The following PSMC5 variants were observed in gnomAD, a reference collection of about 807,000 sequenced individuals.
PSMC5 encodes the protein 26S proteasome regulatory subunit 8.
Under a neutral mutation model 49.1 loss-of-function variants are expected in PSMC5, and 11 were observed. That is an observed-to-expected ratio of 0.22 (90% CI 0.14 to 0.37). PSMC5 has a LOEUF of 0.37. PSMC5 is among the 10% of genes least tolerant of loss of function. The pLI, the probability that PSMC5 is intolerant of heterozygous loss-of-function variation, is 1.00. For synonymous variants in PSMC5, 206 were observed against 192.2 expected (o/e 1.07, Z -0.59); for missense variants, 229 against 520.9 (o/e 0.44, Z 5.45).
Position 63,831,532 on chromosome 17 carries a change from T to C in PSMC5, c.996T>C (p.His332=), listed in dbSNP as rs2040187116. The change falls in exon 10 of 12, where the codon CAT becomes CAC. Residue 332 remains histidine (H), a synonymous_variant. Transcript: ENST00000310144. This position sits in a 1 kb window ranked among gnomAD's most constrained non-coding sequence, Gnocchi z 6.3. ...CCCGGCTGGACATTTTGAAGATTCATTCTCGGAAGATGAACCTGACCCGGG... is the reference window on the plus strand; with the variant it reads ...CCCGGCTGGACATTTTGAAGATTCACTCTCGGAAGATGAACCTGACCCGGG... ...EEARLDILKI[H]SRKMNLTRGI... 1.2e-6 allele frequency: 2 copies of C among 1,613,984 alleles called. No individual in the cohort carries two copies. Among genetic ancestry groups the C allele is most frequent in the South Asian group, 2.2e-5 (2 of 91,078 alleles).
At position 63,831,024 on chromosome 17, in the gene PSMC5, G is replaced by A. The variant is rs770857146; in HGVS notation, c.680-12G>A. ...TAATAAGCTCCCTAACACCAGCTCG[G>A]CCTCCACACAGGGGCAAGAATGGTG... On this transcript the variant is annotated splice_polypyrimidine_tract_variant and intron_variant, in intron 7 of 11. Coordinates refer to ENST00000310144, the MANE Select transcript of PSMC5 (RefSeq NM_002805.6). The surrounding 1 kb of genome is among the most constrained non-coding windows in gnomAD (Gnocchi z 6.3). 33 of 1,588,442 alleles carry A rather than the reference G, an allele frequency of 2.1e-5. No homozygotes were observed. The Admixed American group carries it at 5.6e-4, about 27-fold the overall frequency.
chr17:63,830,259 C>G lies in PSMC5; in HGVS notation c.322-12C>G. On this transcript the variant is annotated splice_polypyrimidine_tract_variant and intron_variant, in intron 5 of 11. Coordinates refer to ENST00000310144, the MANE Select transcript of PSMC5 (RefSeq NM_002805.6). This position sits in a 1 kb window ranked among gnomAD's most constrained non-coding sequence, Gnocchi z 4.0. Reference sequence around the variant, plus strand: ...TACTGTACCACTTCTGAAACTCGCCCCCTTCACCCAGGTGACACCCAATTG... The same window carrying G: ...TACTGTACCACTTCTGAAACTCGCCGCCTTCACCCAGGTGACACCCAATTG... The G allele has an allele frequency of 6.2e-7, 1 of 1,613,978 alleles. No individual in the cohort carries two copies. Among genetic ancestry groups the G allele is most frequent in the African/African-American group, 1.3e-5 (1 of 74,948 alleles).
Position 63,831,651 on chromosome 17 carries a change from C to T in PSMC5, c.1080+35C>T. 6.2e-7 allele frequency: 1 copy of T among 1,612,854 alleles called. No homozygotes were observed. Among genetic ancestry groups the T allele is most frequent in the Non-Finnish European group, 8.5e-7 (1 of 1,178,844 alleles). ...GTACCCACTGAAAACAGGGCAGAGG[C>T]AGGAAGCTCTGGGCTCAAGGGCCAC... On this transcript the variant is annotated intron_variant, in intron 10 of 11. Transcript: ENST00000310144. The surrounding 1 kb of genome is among the most constrained non-coding windows in gnomAD (Gnocchi z 6.3).
chr17:63,829,680 A>AG (rs1270238679), intron 3 of PSMC5, 117 bp downstream of exon 3: 2 of 1,223,728 alleles, frequency 1.6e-6, no homozygotes, highest in East Asian at 5.1e-5. Flanking sequence ...ATCATCTAGT[A>AG]GTTTCACATG....
At chr17:63,827,785 G>A (rs532647445) in intron 1 of PSMC5, 2 of 1,430,956 alleles carry the variant, frequency 1.4e-6, no homozygotes, top group Middle Eastern at 2.6e-4. Context: ...CGCAGGAGAC[G>A]GGACGCCAGT....
At chr17:63,828,024 CTT>C (rs1200797142) in intron 1 of PSMC5, 112 bp from the exon 2 acceptor site, 1 of 1,390,234 alleles carries the variant, frequency 7.2e-7, no homozygotes. Context: ...GAAGTCCAAA[CTT>C]TTTCTACTAC....
Position 63,830,695 on chromosome 17 carries a change from C to CATTTTT in PSMC5, c.553-114_553-113insATTTTT. The stretch of plus-strand genomic sequence containing the variant: ...TTGGATAGAAGGGACCTTGATGTTC[C>CATTTTT]TTTTTTTTTTTTGTATCCCTAACAT... On this transcript the variant is annotated intron_variant, in intron 6 of 11. Coordinates refer to ENST00000310144, the MANE Select transcript of PSMC5 (RefSeq NM_002805.6). This position sits in a 1 kb window ranked among gnomAD's most constrained non-coding sequence, Gnocchi z 4.0. The CATTTTT allele has an allele frequency of 8.0e-7, 1 of 1,243,512 alleles. No individual in the cohort carries two copies. Among genetic ancestry groups the CATTTTT allele is most frequent in the Admixed American group, 2.8e-5 (1 of 36,062 alleles). The allele number at this position is 1,243,512 out of a possible 1,614,324, so 77.0% of individuals were successfully genotyped here.
Position 63,827,511 on chromosome 17 carries a change from G to GC in PSMC5, c.22dup (p.Gln8ProfsTer22). On this transcript the variant is annotated frameshift_variant, in exon 1 of 12. Transcript: ENST00000310144. LOFTEE classifies it high-confidence loss of function. ...AGAAGATGGCGCTTGACGGACCAGA[G>GC]CAGGTATGGCGGGTGCAGTGGCGGC... The GC allele has an allele frequency of 6.4e-7, 1 of 1,551,778 alleles. No individual in the cohort carries two copies.
rs1369929828 is a variant in PSMC5, at chr17:63,831,267, T to C, written c.870+41T>C. The C allele has an allele frequency of 1.9e-6, 3 of 1,607,568 alleles. No individual in the cohort carries two copies. Among genetic ancestry groups the C allele is most frequent in the East Asian group, 2.2e-5 (1 of 44,642 alleles). On this transcript the variant is annotated intron_variant, in intron 8 of 11. Transcript: ENST00000310144. The surrounding 1 kb of genome is among the most constrained non-coding windows in gnomAD (Gnocchi z 6.3). ...CCTTGGGATGGGCCCAGGGAAGGCC[T>C]GGGTGCCACGCAGGCTGAGGAAGAG...
In PSMC5 at chr17:63,831,705, A is replaced by C; in HGVS notation, c.1081-19A>C. On this transcript the variant is annotated intron_variant, in intron 10 of 11. Transcript: ENST00000310144. This position sits in a 1 kb window ranked among gnomAD's most constrained non-coding sequence, Gnocchi z 6.3. ...TGAGGGGCACAGCAGTGGGGCCTCA[A>C]TTTCCTTTTCCTGTTCAGGGCGTGT... is the stretch of plus-strand genomic sequence containing the variant. 6.2e-7 allele frequency: 1 copy of C among 1,614,076 alleles called. No individual in the cohort carries two copies. The highest frequency in any genetic ancestry group is 1.1e-5 in the South Asian group (1 of 91,084).
intron 2 of PSMC5, chr17:63,828,776 C>G (rs370432775): frequency 6.4e-6 from 1 of 155,476 alleles, no homozygotes; most frequent in Non-Finnish European, 1.4e-5. Flanking sequence ...CAGTAGTAAG[C>G]CTTACAGACA....
rs752660586 is a variant in PSMC5, at chr17:63,831,881, C to T, written c.1168-35C>T. ...CAGTGGGCTAGGGCATGTGTGTGTT[C>T]GTAACTTAATGTTCATTCTCTCTCC... On this transcript the variant is annotated intron_variant, in intron 11 of 11. Coordinates refer to ENST00000310144, the MANE Select transcript of PSMC5 (RefSeq NM_002805.6). The surrounding 1 kb of genome is among the most constrained non-coding windows in gnomAD (Gnocchi z 6.3). 1.1e-5 allele frequency: 17 copies of T among 1,612,560 alleles called. No homozygotes were observed. Among genetic ancestry groups the T allele is most frequent in the Admixed American group, 1.7e-5 (1 of 59,996 alleles).
rs7208719 is a variant in PSMC5, at chr17:63,829,631, C to T, written c.166+68C>T. On this transcript the variant is annotated intron_variant, in intron 3 of 11. Coordinates refer to ENST00000310144, the MANE Select transcript of PSMC5 (RefSeq NM_002805.6). ...TGAGGTCTGTCCTTATCTCCCTGCA[C>T]TGTGTCTTCACAGCAGTGCTTACTG... The T allele has an allele frequency of 3.5e-3, 5,151 of 1,463,138 alleles. 132 individuals carry two copies. The African/African-American group carries it at 0.057, about 16-fold the overall frequency. 90.6% of individuals were successfully genotyped at this position (1,463,138 alleles called of 1,614,324 possible).
chr17:63,827,812 G>A (rs950227269), intron 1 of PSMC5: 6 of 1,427,114 alleles, frequency 4.2e-6, no homozygotes, highest in Non-Finnish European at 5.5e-6. Context: ...GCTCCGTTCC[G>A]CTGGCTCCTT....
chr17:63,828,024 C>CT (rs1200797142), intron 1 of PSMC5, 114 bp from the exon 2 acceptor site: 2 of 1,390,110 alleles, frequency 1.4e-6, no homozygotes, highest in African/African-American at 2.9e-5. Flanking sequence ...GAAGTCCAAA[C>CT]TTTTTCTACT....
chr17:63,829,296 G>A, intron 2 of PSMC5, 198 bp from the exon 3 acceptor site: 1 of 560,338 alleles, frequency 1.8e-6, no homozygotes. Context: ...AGCCTTCTTT[G>A]ATGGCTGCTG....
intron 2 of PSMC5, 181 bp from the exon 3 acceptor site, chr17:63,829,313 C>T (rs1227754625): frequency 3.2e-6 from 2 of 615,592 alleles, no homozygotes; most frequent in African/African-American, 3.7e-5. Flanking sequence ...GCTGTAAGGT[C>T]CAGAGGGACT....
chr17:63,827,752 G>C, intron 1 of PSMC5: 1 of 1,432,546 alleles, frequency 7.0e-7, no homozygotes, highest in Non-Finnish European at 9.1e-7. Context: ...AGCGATGGGC[G>C]CGGGAATGGC....
intron 1 of PSMC5, 191 bp downstream of exon 1, chr17:63,827,705 G>C (rs951770409): frequency 6.9e-7 from 1 of 1,444,716 alleles, no homozygotes; most frequent in Non-Finnish European, 9.1e-7. Context: ...GCAAGGCTGG[G>C]AGAGGAAGAC....
Sources: allele counts gnomAD v4.1 joint callset, GRCh38; gene constraint gnomAD v4.1.1; non-coding constraint Gnocchi (gnomAD v3.1); transcripts MANE v1.5; gene names NCBI Gene and HGNC (gene_info 2026-07-23, HGNC 2026-07-21).